Variants in SORCS3 observed in about 807,000 individuals in gnomAD.
SORCS3 encodes the protein sortilin related VPS10 domain containing receptor 3.
Under a neutral mutation model 146.3 loss-of-function variants are expected in SORCS3, and 57 were observed. The ratio of observed to expected loss-of-function variants is 0.39; its 90% CI spans 0.31 to 0.49. The LOEUF (loss-of-function observed/expected upper bound fraction) is 0.49, where lower values mean the gene tolerates loss of function less well. SORCS3 is among the 20% of genes least tolerant of loss of function. The pLI, the probability that SORCS3 is intolerant of heterozygous loss-of-function variation, is 0.92. For synonymous variants in SORCS3, 653 were observed against 618.5 expected (o/e 1.06, Z -0.83); for missense variants, 1,341 against 1,575.5 (o/e 0.85, Z 2.52).
chr10:104,825,160 C>T (rs1038899252), intron 1 of SORCS3, among the ~76,000 whole-genome samples: 1 of 152,156 alleles, frequency 6.6e-6, no homozygotes, highest in Non-Finnish European at 1.5e-5. Context: ...CATGGCATTT[C>T]CTCACTCAAA....
At chr10:104,793,843 G>A (rs552644881) in intron 1 of SORCS3, among the ~76,000 whole-genome samples, 1 of 152,310 alleles carries the variant, frequency 6.6e-6, no homozygotes, top group African/African-American at 2.4e-5. Flanking sequence ...AAGGACATCT[G>A]GATGGCAGGT....
chr10:105,216,424 C>T (rs1232557667), intron 18 of SORCS3, among the ~76,000 whole-genome samples: 1 of 152,086 alleles, frequency 6.6e-6, no homozygotes, highest in African/African-American at 2.4e-5. Context: ...GGGTCTGGAA[C>T]CTGGTCTTCC....
intron 3 of SORCS3, among the ~76,000 whole-genome samples, chr10:104,975,079 G>A (rs2054886928): frequency 6.6e-6 from 1 of 152,110 alleles, no homozygotes; most frequent in Non-Finnish European, 1.5e-5. Flanking sequence ...TTAGGAGAAG[G>A]AAATAAAGGG....
intron 20 of SORCS3, among the ~76,000 whole-genome samples, chr10:105,224,703 A>G (rs978577413): frequency 2.0e-5 from 3 of 152,164 alleles, no homozygotes; most frequent in African/African-American, 7.2e-5. Context: ...GATTTCCACC[A>G]CCAATGAATG....
intron 8 of SORCS3, among the ~76,000 whole-genome samples, chr10:105,143,305 TC>T: frequency 6.6e-6 from 1 of 152,186 alleles, no homozygotes; most frequent in Non-Finnish European, 1.5e-5. Context: ...ATGTTGGTGT[TC>T]CTAAGTTGTT....
intron 9 of SORCS3, among the ~76,000 whole-genome samples, chr10:105,149,309 A>G (rs1006731353): frequency 6.6e-6 from 1 of 152,166 alleles, no homozygotes; most frequent in Non-Finnish European, 1.5e-5. Flanking sequence ...GAAGGAGTGA[A>G]TGTCATTCGG....
chr10:104,778,109 GAGA>G (rs1318460679), intron 1 of SORCS3, among the ~76,000 whole-genome samples: 1 of 152,174 alleles, frequency 6.6e-6, no homozygotes, highest in African/African-American at 2.4e-5. Context: ...GTAGCTAGAA[GAGA>G]AGAATTGGAG....
intron 1 of SORCS3, among the ~76,000 whole-genome samples, chr10:104,727,176 ATTT>A (rs2016646008): frequency 6.6e-6 from 1 of 152,218 alleles, no homozygotes. Flanking sequence ...TTGAGATATT[ATTT>A]GCTGCATGAA....
chr10:104,981,280 G>A (rs527377201), intron 4 of SORCS3, among the ~76,000 whole-genome samples: 4 of 152,264 alleles, frequency 2.6e-5, no homozygotes, highest in African/African-American at 9.6e-5. Context: ...ACTCAGTAAA[G>A]ACAAGAGATT....
At chr10:104,779,926 A>G (rs2017354476) in intron 1 of SORCS3, among the ~76,000 whole-genome samples, 1 of 152,128 alleles carries the variant, frequency 6.6e-6, no homozygotes, top group Non-Finnish European at 1.5e-5. Context: ...AGTATGAATT[A>G]TTTAAGGAGA....
intron 13 of SORCS3, among the ~76,000 whole-genome samples, chr10:105,177,248 A>G (rs976412222): frequency 6.6e-6 from 1 of 152,158 alleles, no homozygotes; most frequent in East Asian, 1.9e-4. Flanking sequence ...AACAAAAATG[A>G]ACCTATGATA....
chr10:104,823,486 C>T (rs2017899354), intron 1 of SORCS3, among the ~76,000 whole-genome samples: 1 of 152,160 alleles, frequency 6.6e-6, no homozygotes, highest in Admixed American at 6.5e-5. Flanking sequence ...TCCTTTCCCA[C>T]TGCCATTGCC....
Position 105,098,257 on chromosome 10 carries a change from G to C in SORCS3, c.1094-7140G>C, listed in dbSNP as rs1169910300. 2.0e-5 allele frequency among the ~76,000 whole-genome samples: 3 copies of C among 152,342 alleles called. No homozygotes were observed. In the East Asian group the frequency reaches 5.8e-4, roughly 29 times the overall value. ...AAGGCAATGGGACTGCAGACTGCTT[G>C]CCTTCTGTTCAACCATAGAAGGCAG... On this transcript the variant is annotated intron_variant, in intron 6 of 26. Coordinates refer to ENST00000369701, the MANE Select transcript of SORCS3 (RefSeq NM_014978.3).
chr10:105,042,992 C>T, intron 4 of SORCS3, 63 bp from the exon 5 acceptor site: 1 of 1,412,192 alleles, frequency 7.1e-7, no homozygotes, highest in South Asian at 1.2e-5. Flanking sequence ...GCAGGGAAAA[C>T]ATCTGTATTC....
chr10:105,067,959 A>T (rs192654489), intron 5 of SORCS3, among the ~76,000 whole-genome samples: 72 of 152,162 alleles, frequency 4.7e-4, no homozygotes, highest in African/African-American at 1.6e-3. Context: ...GCTTGCAAAG[A>T]GACACATTTC....
intron 3 of SORCS3, among the ~76,000 whole-genome samples, chr10:104,976,625 A>G (rs1056964692): frequency 4.6e-4 from 70 of 152,292 alleles, no homozygotes; most frequent in South Asian, 1.2e-3. Context: ...TGTTTATTGC[A>G]GCACTATTCA....
chr10:104,997,394 C>A (rs777096816), intron 4 of SORCS3, among the ~76,000 whole-genome samples: 2 of 152,164 alleles, frequency 1.3e-5, no homozygotes, highest in African/African-American at 4.8e-5. Flanking sequence ...TAACTTTAGA[C>A]ATGAACACTT....
intron 21 of SORCS3, 54 bp downstream of exon 21, chr10:105,245,719 T>G (rs947984628): frequency 3.8e-6 from 6 of 1,587,332 alleles, no homozygotes; most frequent in Non-Finnish European, 5.2e-6. Context: ...TAATCTCCTG[T>G]GTCCACTCTC....
intron 1 of SORCS3, among the ~76,000 whole-genome samples, chr10:104,727,349 T>A (rs1419002014): frequency 2.6e-5 from 4 of 152,198 alleles, no homozygotes; most frequent in African/African-American, 9.7e-5. Flanking sequence ...AGCATACATA[T>A]ATCTCTTGTA....
Sources: gnomAD v4.1 joint callset for allele counts (sites outside exome capture counted in the v4.1 genomes callset) on GRCh38, gnomAD v4.1.1 for gene constraint, MANE v1.5 for transcripts, NCBI Gene and HGNC (gene_info 2026-07-23, HGNC 2026-07-21) for gene names.